MDC1: variants seen among roughly 807,000 people sequenced by gnomAD.
The protein encoded by MDC1 is mediator of DNA damage checkpoint protein 1.
MDC1 carries 81 observed loss-of-function variants against 142.5 expected under a neutral mutation model. That is an observed-to-expected ratio of 0.57 (90% CI 0.47 to 0.68). MDC1 has a LOEUF of 0.68. Ranked by LOEUF, MDC1 falls within the 30% of genes least tolerant of loss-of-function variation. The pLI is 0.00. For synonymous variants in MDC1, 797 were observed against 968.4 expected (o/e 0.82, Z 3.29); for missense variants, 2,119 against 2,547.9 (o/e 0.83, Z 3.62).
Position 30,707,782 on chromosome 6 carries a change from A to T in MDC1, c.2797T>A (p.Leu933Ile). The T allele has an allele frequency of 6.2e-7, 1 of 1,612,580 alleles. No individual in the cohort carries two copies. The highest frequency in any genetic ancestry group is 8.5e-7 in the Non-Finnish European group (1 of 1,179,912). ...ATCACTTTGGGCACCTTCTCTTCTA[A>T]CTCGGCTGGATCGCACTCTCTGTTT... ...VANRECDPAE[L>I]EEKVPKVILE... Residue 933 changes from leucine to isoleucine, a missense_variant, in exon 8 of 15, where the codon TTA becomes ATA. Transcript: ENST00000376406.
intron 7 of MDC1, 108 bp downstream of exon 7, chr6:30,711,304 G>C (rs1774841660): frequency 3.1e-6 from 3 of 968,748 alleles, no homozygotes; most frequent in Non-Finnish European, 3.2e-6. Flanking sequence ...CTGGGAGGCG[G>C]AGGTTACAGT....
rs1162188107 is a variant in MDC1, at chr6:30,713,381, T to C, written c.588-27A>G. Reference sequence around the variant, plus strand: ...TGTGAAGGGAAGAAAAGAGAGTCTATAGAATTTATTTCCCTGGAAGGGATA... The same window carrying C: ...TGTGAAGGGAAGAAAAGAGAGTCTACAGAATTTATTTCCCTGGAAGGGATA... On this transcript the variant is annotated intron_variant, in intron 4 of 14. Coordinates refer to ENST00000376406, the MANE Select transcript of MDC1 (RefSeq NM_014641.3). This position sits in a 1 kb window ranked among gnomAD's most constrained non-coding sequence, Gnocchi z 4.9. The C allele has an allele frequency of 4.6e-6, 7 of 1,527,934 alleles. No individual in the cohort carries two copies. The highest frequency in any genetic ancestry group is 6.1e-6 in the Non-Finnish European group (7 of 1,145,250). The allele number at this position is 1,527,934 out of a possible 1,614,324, so 94.6% of individuals were successfully genotyped here. A position where few individuals can be genotyped will look rare whatever the true frequency, so the allele number is the denominator to read the frequency against.
At position 30,703,564 on chromosome 6, in the gene MDC1, A is replaced by C; in HGVS notation, c.5563-27T>G. 6.2e-7 allele frequency: 1 copy of C among 1,612,656 alleles called. No individual in the cohort carries two copies. Among genetic ancestry groups the C allele is most frequent in the Non-Finnish European group, 8.5e-7 (1 of 1,179,956 alleles). Reference sequence around the variant, plus strand: ...TGAGATTGAGAAAAATCTTGGTGGGAGTTTCAGAGCCCTGAAGTCATTTTT... The same window carrying C: ...TGAGATTGAGAAAAATCTTGGTGGGCGTTTCAGAGCCCTGAAGTCATTTTT... On this transcript the variant is annotated intron_variant, in intron 10 of 14. Coordinates refer to ENST00000376406, the MANE Select transcript of MDC1 (RefSeq NM_014641.3). This position sits in a 1 kb window ranked among gnomAD's most constrained non-coding sequence, Gnocchi z 4.4.
chr6:30,703,118 C>A lies in MDC1; in HGVS notation c.5851G>T (p.Asp1951Tyr). The A allele has an allele frequency of 6.2e-7, 1 of 1,612,830 alleles. No homozygotes were observed. The highest frequency in any genetic ancestry group is 1.3e-5 in the African/African-American group (1 of 75,060). ...TGGCCTCTCACCTGATGCAGCCAGT[C>A]CAGGGACAGAATGGGGATTCCCCGC... The part of the protein sequence containing the change: ...LGRGIPILSL[D>Y]WLHQSRKAGF... Residue 1951 changes from aspartate (D) to tyrosine (Y), a missense_variant, in exon 12 of 15, where the codon GAC (aspartate) becomes TAC (tyrosine). Transcript: ENST00000376406. This position sits in a 1 kb window ranked among gnomAD's most constrained non-coding sequence, Gnocchi z 4.4.
Position 30,712,005 on chromosome 6 carries a change from G to C in MDC1, c.1937C>G (p.Thr646Arg), listed in dbSNP as rs1473285861. 1 of 1,599,696 alleles carries C rather than the reference G, an allele frequency of 6.3e-7. No individual in the cohort carries two copies. Among genetic ancestry groups the C allele is most frequent in the South Asian group, 1.1e-5 (1 of 89,090 alleles). ...AGTGTCTGTGTCCACCACCAGATCT[G>C]TGAGGTTCTCTCTTGAGATAGGGAG... ...QDLPISRENL[T>R]DLVVDTDTLG... The change falls in exon 5 of 15, where the codon ACA becomes AGA. Residue 646 changes from threonine (T) to arginine (R), a missense_variant. Transcript: ENST00000376406. The surrounding 1 kb of genome is among the most constrained non-coding windows in gnomAD (Gnocchi z 4.7).
chr6:30,703,076 G>C lies in MDC1; in HGVS notation c.5865+28C>G. 6.2e-7 allele frequency: 1 copy of C among 1,603,960 alleles called. No homozygotes were observed. Among genetic ancestry groups the C allele is most frequent in the Non-Finnish European group, 8.5e-7 (1 of 1,173,926 alleles). On this transcript the variant is annotated intron_variant, in intron 12 of 14. Transcript: ENST00000376406. The surrounding 1 kb of genome is among the most constrained non-coding windows in gnomAD (Gnocchi z 4.4). Reference sequence around the variant, plus strand: ...ATATGAGCAGTCTTGCCACTATATCGGTCTGTCATCATCCCTTGGCCTCTC... The same window carrying C: ...ATATGAGCAGTCTTGCCACTATATCCGTCTGTCATCATCCCTTGGCCTCTC...
In MDC1 at chr6:30,712,349, T is replaced by C. The variant is rs1373586724; in HGVS notation, c.1593A>G (p.Pro531=). ...TCTTTATATGTATAATGGCTGACCC[T>C]GGCGGGACTTCCTTCTCCACTTGTG... The part of the protein sequence containing the change: ...INTQVEKEVP[P]GSAIIHIKKH... The change falls in exon 5 of 15, where the codon CCA becomes CCG. Residue 531 remains proline, a synonymous_variant. Transcript: ENST00000376406. This position sits in a 1 kb window ranked among gnomAD's most constrained non-coding sequence, Gnocchi z 4.7. 5 of 1,612,962 alleles carry C rather than the reference T, an allele frequency of 3.1e-6. No homozygotes were observed. The highest frequency in any genetic ancestry group is 4.2e-6 in the Non-Finnish European group (5 of 1,180,054).
Position 30,712,200 on chromosome 6 carries a change from G to C in MDC1, c.1742C>G (p.Ala581Gly). 1 of 1,612,868 alleles carries C rather than the reference G, an allele frequency of 6.2e-7. No individual in the cohort carries two copies. Among genetic ancestry groups the C allele is most frequent in the Non-Finnish European group, 8.5e-7 (1 of 1,179,976 alleles). ...WPLHGDCETD[A>G]EEGTSLTASV... ...GGCTGTTAGGGAGGTGCCCTCCTCTGCATCTGTTTCACAGTCCCCATGCAG... is the reference window on the plus strand; with the variant it reads ...GGCTGTTAGGGAGGTGCCCTCCTCTCCATCTGTTTCACAGTCCCCATGCAG... The change falls in exon 5 of 15, where the codon GCA (alanine) becomes GGA (glycine). Residue 581 changes from alanine (A) to glycine (G), a missense_variant. Transcript: ENST00000376406. This position sits in a 1 kb window ranked among gnomAD's most constrained non-coding sequence, Gnocchi z 4.7.
rs1316089453 is a variant in MDC1, at chr6:30,716,059, C to T, written c.-3-881G>A. 6.6e-6 allele frequency among the ~76,000 whole-genome samples: 1 copy of T among 152,170 alleles called. No individual in the cohort carries two copies. Among genetic ancestry groups the T allele is most frequent in the Non-Finnish European group, 1.5e-5 (1 of 68,036 alleles). ...CACATCTTGTAACGCCTACCCCTCG[C>T]CCGCAAAAGCCTATGGTTCAGCCAG... On this transcript the variant is annotated intron_variant, in intron 1 of 14. Coordinates refer to ENST00000376406, the MANE Select transcript of MDC1 (RefSeq NM_014641.3). This position sits in a 1 kb window ranked among gnomAD's most constrained non-coding sequence, Gnocchi z 4.4.
At chr6:30,702,004 T>G (rs1772785888) in intron 14 of MDC1, among the ~76,000 whole-genome samples, 2 of 151,942 alleles carry the variant, frequency 1.3e-5, no homozygotes, top group Non-Finnish European at 2.9e-5. Context: ...GGCTCACGCC[T>G]GTAATCCCAG....
Position 30,708,040 on chromosome 6 carries a change from T to G in MDC1, c.2539A>C (p.Thr847Pro), listed in dbSNP as rs767234842. 4 of 1,613,126 alleles carry G rather than the reference T, an allele frequency of 2.5e-6. No individual in the cohort carries two copies. Among genetic ancestry groups the G allele is most frequent in the Middle Eastern group, 1.6e-4 (1 of 6,062 alleles). Residue 847 changes from threonine (T) to proline (P), a missense_variant, in exon 8 of 15, where the codon ACA becomes CCA. Physicochemically the swap from Thr to Pro is conservative, Grantham distance 38 (BLOSUM62 -1). Transcript: ENST00000376406. ...KLLPERQTDV[T>P]GEEELTKGKQ... ...CCCTTGGTTAATTCTTCCTCTCCTG[T>G]CACATCTGTCTGTCTTTCTGGTAGC...
At position 30,716,716 on chromosome 6, in the gene MDC1, G is replaced by C. The variant is rs532368177; in HGVS notation, c.-4+529C>G. Among the ~76,000 whole-genome samples the C allele has an allele frequency of 6.6e-6, 1 of 152,268 alleles. No individual in the cohort carries two copies. Among genetic ancestry groups the C allele is most frequent in the East Asian group, 1.9e-4 (1 of 5,182 alleles). ...TTAGGGGAACCGTGTCTTTCCCCTA[G>C]GGTCCATCATATTCATTCAATGGTT... On this transcript the variant is annotated intron_variant, in intron 1 of 14. Transcript: ENST00000376406. The surrounding 1 kb of genome is among the most constrained non-coding windows in gnomAD (Gnocchi z 4.4).
At position 30,703,973 on chromosome 6, in the gene MDC1, A is replaced by G. The variant is rs1314848718; in HGVS notation, c.5210T>C (p.Ile1737Thr). Residue 1737 changes from isoleucine to threonine, a missense_variant, in exon 10 of 15, where the codon ATT becomes ACT. Coordinates refer to ENST00000376406, the MANE Select transcript of MDC1 (RefSeq NM_014641.3). This position sits in a 1 kb window ranked among gnomAD's most constrained non-coding sequence, Gnocchi z 4.4. ...AGNPGSLAAP[I>T]DHKPCSAPLE... is the part of the protein sequence containing the mutation. ...GGGTGCAGAGCAAGGCTTATGGTCAATGGGAGCTGCGAGGGAGCCAGGGTT... is the reference window on the plus strand; with the variant it reads ...GGGTGCAGAGCAAGGCTTATGGTCAGTGGGAGCTGCGAGGGAGCCAGGGTT... The G allele has an allele frequency of 6.2e-7, 1 of 1,614,198 alleles. No individual in the cohort carries two copies. Among genetic ancestry groups the G allele is most frequent in the East Asian group, 2.2e-5 (1 of 44,886 alleles).
Position 30,705,934 on chromosome 6 carries a change from T to G in MDC1, c.3249A>C (p.Gln1083His). 1 of 1,613,978 alleles carries G rather than the reference T, an allele frequency of 6.2e-7. No individual in the cohort carries two copies. Among genetic ancestry groups the G allele is most frequent in the African/African-American group, 1.3e-5 (1 of 75,012 alleles). Residue 1083 changes from glutamine to histidine, a missense_variant, in exon 10 of 15, where the codon CAA becomes CAC. Gln to His is a conservative substitution (Grantham distance 24). Transcript: ENST00000376406. Reference protein sequence around the residue: ...SIKPTVRKTRQDGSQEAPEAP... With the variant: ...SIKPTVRKTRHDGSQEAPEAP... ...CCTCTGGAGCTTCCTGACTCCCATC[T>G]TGCCTGGTCTTACGAACGGTTGGCT...
chr6:30,715,619 G>A lies in MDC1; in HGVS notation c.-3-441C>T, dbSNP rs145680054. On this transcript the variant is annotated intron_variant, in intron 1 of 14. Transcript: ENST00000376406. The surrounding 1 kb of genome is among the most constrained non-coding windows in gnomAD (Gnocchi z 4.1). ...CTCCCAAAGTGCTGGGATTACAGGCGTGAGCCACTGCGCCCCGTTGTTTTT... is the reference window on the plus strand; with the variant it reads ...CTCCCAAAGTGCTGGGATTACAGGCATGAGCCACTGCGCCCCGTTGTTTTT... Among the ~76,000 whole-genome samples, 379 of 152,324 alleles carry A rather than the reference G, an allele frequency of 2.5e-3. 1 individual carries two copies. Among genetic ancestry groups the A allele is most frequent in the African/African-American group, 8.7e-3 (362 of 41,570 alleles).
At position 30,713,422 on chromosome 6, in the gene MDC1, G is replaced by A. The variant is rs912557139; in HGVS notation, c.588-68C>T. On this transcript the variant is annotated intron_variant, in intron 4 of 14. Coordinates refer to ENST00000376406, the MANE Select transcript of MDC1 (RefSeq NM_014641.3). This position sits in a 1 kb window ranked among gnomAD's most constrained non-coding sequence, Gnocchi z 4.9. ...GGAAGGGATACCCCAACTCAACTGT[G>A]AGCTCCTTGAGGGGAGACACAAGGT... The A allele has an allele frequency of 7.5e-6, 11 of 1,464,088 alleles. No homozygotes were observed. The highest frequency in any genetic ancestry group is 9.1e-6 in the Non-Finnish European group (10 of 1,098,694). 90.7% of individuals were successfully genotyped at this position (1,464,088 alleles called of 1,614,324 possible).
Position 30,713,607 on chromosome 6 carries a change from C to T in MDC1, c.587+41G>A, listed in dbSNP as rs1775239016. 2 of 1,579,846 alleles carry T rather than the reference C, an allele frequency of 1.3e-6. No homozygotes were observed. Among genetic ancestry groups the T allele is most frequent in the African/African-American group, 1.4e-5 (1 of 73,844 alleles). On this transcript the variant is annotated intron_variant, in intron 4 of 14. Coordinates refer to ENST00000376406, the MANE Select transcript of MDC1 (RefSeq NM_014641.3). The surrounding 1 kb of genome is among the most constrained non-coding windows in gnomAD (Gnocchi z 4.9). Reference sequence around the variant, plus strand: ...TTGATCCTCCAGCCCCTGGTTCTTCCTCATTTTGAAGACTCAGGTGTCTGA... The same window carrying T: ...TTGATCCTCCAGCCCCTGGTTCTTCTTCATTTTGAAGACTCAGGTGTCTGA...
In MDC1 at chr6:30,713,869, G is replaced by T; in HGVS notation, c.451C>A (p.Pro151Thr). Residue 151 changes from proline to threonine, a missense_variant, in exon 3 of 15, where the codon CCC (proline) becomes ACC (threonine). Transcript: ENST00000376406. This position sits in a 1 kb window ranked among gnomAD's most constrained non-coding sequence, Gnocchi z 4.9. ...GGTTGAGTTTCTCCCTGTACTCTGG[G>T]TGTCTCTTCTACTGTCAGAGGGCCC... Reference protein sequence around the residue: ...SRGPLTVEETPRVQGETQPQR... With the variant: ...SRGPLTVEETTRVQGETQPQR... 3 of 1,614,084 alleles carry T rather than the reference G, an allele frequency of 1.9e-6. No homozygotes were observed. The highest frequency in any genetic ancestry group is 2.5e-6 in the Non-Finnish European group (3 of 1,180,024).
At position 30,703,083 on chromosome 6, in the gene MDC1, C is replaced by T. The variant is rs371773610; in HGVS notation, c.5865+21G>A. On this transcript the variant is annotated intron_variant, in intron 12 of 14. Coordinates refer to ENST00000376406, the MANE Select transcript of MDC1 (RefSeq NM_014641.3). The surrounding 1 kb of genome is among the most constrained non-coding windows in gnomAD (Gnocchi z 4.4). ...CAGTCTTGCCACTATATCGGTCTGT[C>T]ATCATCCCTTGGCCTCTCACCTGAT... 2.1e-5 allele frequency: 34 copies of T among 1,608,140 alleles called. No individual in the cohort carries two copies. In the African/African-American group the frequency reaches 3.2e-4, roughly 15 times the overall value.
Sources: gnomAD v4.1 joint callset for allele counts (sites outside exome capture counted in the v4.1 genomes callset) on GRCh38, gnomAD v4.1.1 for gene constraint, Gnocchi (gnomAD v3.1) non-coding constraint, MANE v1.5 for transcripts, NCBI Gene and HGNC (gene_info 2026-07-23, HGNC 2026-07-21) for gene names.